The following COBL variants were observed in gnomAD, a reference collection of about 807,000 sequenced individuals.
COBL encodes the protein cordon-bleu WH2 repeat protein, also known as protein cordon-bleu.
In COBL, 51 loss-of-function variants were observed where a neutral mutation model predicts 98.8. The ratio of observed to expected loss-of-function variants is 0.52; its 90% CI spans 0.41 to 0.65. The LOEUF (loss-of-function observed/expected upper bound fraction) is 0.65, where lower values mean the gene tolerates loss of function less well. Among genes scored for constraint, COBL ranks in the 30% least tolerant of loss-of-function variants. The pLI is 0.00. For synonymous variants in COBL, 634 were observed against 651.7 expected (o/e 0.97, Z 0.41); for missense variants, 1,617 against 1,617.5 (o/e 1.00, Z 0.01).
chr7:51,239,863 C>T (rs1483134256), intron 1 of COBL, among the ~76,000 whole-genome samples: 1 of 152,126 alleles, frequency 6.6e-6, no homozygotes, highest in African/African-American at 2.4e-5. Context: ...CAGGGATCAG[C>T]AACATTTTCC....
At chr7:51,021,363 G>C (rs964144546) in intron 12 of COBL, 1 of 152,144 alleles carries the variant, frequency 6.6e-6, no homozygotes, top group Non-Finnish European at 1.5e-5. Flanking sequence ...ATCTTGCTTT[G>C]TCACCCAGGC....
At chr7:51,249,199 G>A (rs1007586646) in intron 1 of COBL, among the ~76,000 whole-genome samples, 11 of 152,200 alleles carry the variant, frequency 7.2e-5, no homozygotes, top group African/African-American at 2.7e-4. Context: ...TGTGGTGAGT[G>A]AGGGGGCCCC....
intron 1 of COBL, among the ~76,000 whole-genome samples, chr7:51,268,610 A>T (rs1322101455): frequency 6.6e-6 from 1 of 152,094 alleles, no homozygotes; most frequent in Non-Finnish European, 1.5e-5. Context: ...CCTTTTGCAG[A>T]TGTGGAAATA....
rs1231016375 is a variant in COBL, at chr7:51,028,413, C to A, written c.2683G>T (p.Gly895Cys). The change falls in exon 10 of 13, where the codon GGT becomes TGT. Residue 895 changes from glycine to cysteine, a missense_variant. Physicochemically the swap from Gly to Cys is radical, Grantham distance 159. Coordinates refer to ENST00000265136, the MANE Select transcript of COBL (RefSeq NM_015198.5). ...VVRPHGYAEK[G>C]YAGKAPVLAA... The stretch of plus-strand genomic sequence containing the variant: ...AGCACTGGCGCCTTGCCTGCATAAC[C>A]CTTCTCGGCATAACCGTGTGGCCTC... The A allele has an allele frequency of 1.9e-6, 3 of 1,614,132 alleles. No homozygotes were observed. The highest frequency in any genetic ancestry group is 3.3e-5 in the Admixed American group (2 of 60,014).
At position 51,301,023 on chromosome 7, in the gene COBL, T is replaced by C. The variant is rs143427088; in HGVS notation, c.41+15570A>G. 5.4e-3 allele frequency among the ~76,000 whole-genome samples: 822 copies of C among 152,216 alleles called. 1 individual carries two copies. Among genetic ancestry groups the C allele is most frequent in the Non-Finnish European group, 8.1e-3 (549 of 68,004 alleles). On this transcript the variant is annotated intron_variant, in intron 1 of 12. Transcript: ENST00000265136. The stretch of plus-strand genomic sequence containing the variant: ...TTGGTCACCATGTTGCTATCTTGTG[T>C]CCCACGTGCCTCACTGTTAAAATGG...
At chr7:51,055,498 C>T (rs1368394763) in intron 7 of COBL, among the ~76,000 whole-genome samples, 1 of 152,054 alleles carries the variant, frequency 6.6e-6, no homozygotes, top group African/African-American at 2.4e-5. Context: ...GCCTGGCTGT[C>T]CATAAACATC....
intron 5 of COBL, among the ~76,000 whole-genome samples, chr7:51,173,055 C>G (rs999350150): frequency 6.6e-6 from 1 of 152,128 alleles, no homozygotes; most frequent in African/African-American, 2.4e-5. Context: ...TCCCAAAATG[C>G]TAGGATTACA....
chr7:51,222,090 C>A (rs2129091356), intron 1 of COBL, among the ~76,000 whole-genome samples: 1 of 152,074 alleles, frequency 6.6e-6, no homozygotes, highest in East Asian at 1.9e-4. Flanking sequence ...TTGGGAGCCT[C>A]AGGCAGGAGA....
At chr7:51,116,743 A>T (rs149956984) in intron 6 of COBL, among the ~76,000 whole-genome samples, 1 of 152,150 alleles carries the variant, frequency 6.6e-6, no homozygotes, top group African/African-American at 2.4e-5. Flanking sequence ...TGTTTCTTTT[A>T]TGGAGGTCTA....
At chr7:51,184,674 T>C (rs888538028) in intron 4 of COBL, among the ~76,000 whole-genome samples, 1 of 152,250 alleles carries the variant, frequency 6.6e-6, no homozygotes, top group Non-Finnish European at 1.5e-5. Flanking sequence ...ACATTGGTTT[T>C]GGTGCTAAGT....
intron 7 of COBL, chr7:51,071,633 C>G (rs138960663): frequency 6.6e-6 from 1 of 152,266 alleles, no homozygotes; most frequent in African/African-American, 2.4e-5. Flanking sequence ...TGCTGCCTCT[C>G]GAACCAATAA....
chr7:51,177,536 G>A (rs144755127), intron 5 of COBL, among the ~76,000 whole-genome samples: 4,549 of 152,208 alleles, frequency 0.03, 220 homozygotes, highest in South Asian at 0.18. Flanking sequence ...CACTCTGGGG[G>A]GCTGAGGCGG....
At chr7:51,105,315 C>T (rs1796161527) in intron 6 of COBL, among the ~76,000 whole-genome samples, 1 of 152,232 alleles carries the variant, frequency 6.6e-6, no homozygotes, top group Non-Finnish European at 1.5e-5. Flanking sequence ...CAAGGACGCA[C>T]AGGCTCTGCA....
chr7:51,091,251 C>T (rs1794784688), intron 6 of COBL, among the ~76,000 whole-genome samples: 1 of 152,032 alleles, frequency 6.6e-6, no homozygotes, highest in South Asian at 2.1e-4. Context: ...AAGTTCAGTG[C>T]ACTACAAGAG....
chr7:51,272,265 G>A (rs981337468), intron 1 of COBL, among the ~76,000 whole-genome samples: 4 of 152,078 alleles, frequency 2.6e-5, no homozygotes, highest in African/African-American at 7.2e-5. Flanking sequence ...CCCCACTCAA[G>A]GTATGATTTT....
chr7:51,255,395 A>C (rs4948211), intron 1 of COBL, among the ~76,000 whole-genome samples: 41,641 of 152,088 alleles, frequency 0.27, 7,010 homozygotes, highest in East Asian at 0.67. Context: ...TCCTCTTTAT[A>C]AAATTATTAG....
chr7:51,217,335 T>TC (rs1793152205), intron 2 of COBL, among the ~76,000 whole-genome samples: 2 of 147,888 alleles, frequency 1.4e-5, no homozygotes, highest in Non-Finnish European at 3.0e-5. Context: ...TTTTCTTTTC[T>TC]TTTTCTTTTT....
At position 51,201,544 on chromosome 7, in the gene COBL, T is replaced by C. The variant is rs59303354; in HGVS notation, c.246-7955A>G. Among the ~76,000 whole-genome samples, 1,078 of 152,294 alleles carry C rather than the reference T, an allele frequency of 7.1e-3. 14 individuals carry two copies. Among genetic ancestry groups the C allele is most frequent in the African/African-American group, 0.025 (1,029 of 41,564 alleles). On this transcript the variant is annotated intron_variant, in intron 2 of 12. Coordinates refer to ENST00000265136, the MANE Select transcript of COBL (RefSeq NM_015198.5). ...GACTTCAAAACTTTACTCTCTATAA[T>C]GGATAGACCATTCTGGTAGAAAGAT...
chr7:51,296,345 C>T (rs1236378619), intron 1 of COBL, among the ~76,000 whole-genome samples: 1 of 152,068 alleles, frequency 6.6e-6, no homozygotes, highest in Non-Finnish European at 1.5e-5. Context: ...AATATGACAA[C>T]ACAGAGACAA....
Sources: allele counts gnomAD v4.1 joint callset (sites outside exome capture counted in the v4.1 genomes callset), GRCh38; gene constraint gnomAD v4.1.1; transcripts MANE v1.5; gene names NCBI Gene and HGNC (gene_info 2026-07-23, HGNC 2026-07-21).